Variants in SDCCAG8 observed in about 807,000 individuals in gnomAD.
The protein encoded by SDCCAG8 is serologically defined colon cancer antigen 8.
SDCCAG8 carries 74 observed loss-of-function variants against 101.8 expected under a neutral mutation model. The observed-to-expected ratio is 0.73, with a 90% CI of 0.60 to 0.88. SDCCAG8 has a LOEUF of 0.88. Among genes scored for constraint, SDCCAG8 ranks in the 40% least tolerant of loss-of-function variants. The pLI, the probability that SDCCAG8 is intolerant of heterozygous loss-of-function variation, is 0.00. For missense variants in SDCCAG8, 787 were observed against 822.6 expected, an observed-to-expected ratio of 0.96 and a Z score of 0.53; for synonymous variants, 281 against 292.9, an observed-to-expected ratio of 0.96 and a Z score of 0.41.
intron 13 of SDCCAG8, among the ~76,000 whole-genome samples, chr1:243,391,492 T>C (rs989907603): frequency 1.9e-4 from 29 of 152,186 alleles, no homozygotes; most frequent in Admixed American, 1.4e-3. Context: ...AAGAGTGTGC[T>C]CCACCTTGGC....
intron 16 of SDCCAG8, among the ~76,000 whole-genome samples, chr1:243,428,861 G>A (rs968679991): frequency 6.6e-6 from 1 of 152,192 alleles, no homozygotes; most frequent in Admixed American, 6.5e-5. Context: ...ATTGCGAGGA[G>A]CTCAAGTATT....
At chr1:243,441,544 G>T (rs2082534641) in intron 16 of SDCCAG8, among the ~76,000 whole-genome samples, 1 of 152,114 alleles carries the variant, frequency 6.6e-6, no homozygotes, top group Non-Finnish European at 1.5e-5. Context: ...TAAATGGTGT[G>T]CCTAGGAGTA....
intron 16 of SDCCAG8, 56 bp from the exon 17 acceptor site, chr1:243,488,958 G>T: frequency 6.2e-7 from 1 of 1,612,372 alleles, no homozygotes; most frequent in Non-Finnish European, 8.5e-7. Context: ...CAGCCCCTGG[G>T]CCTGTTGAAA....
At chr1:243,379,421 C>T (rs1245669942) in intron 13 of SDCCAG8, among the ~76,000 whole-genome samples, 1 of 152,106 alleles carries the variant, frequency 6.6e-6, no homozygotes, top group Non-Finnish European at 1.5e-5. Flanking sequence ...ACTTCATTTC[C>T]ATCATGAGAT....
In SDCCAG8 at chr1:243,304,706, T is replaced by G. The variant is rs1212820070; in HGVS notation, c.676-7T>G. 6.7e-7 allele frequency: 1 copy of G among 1,489,522 alleles called. No individual in the cohort carries two copies. Among genetic ancestry groups the G allele is most frequent in the South Asian group, 1.1e-5 (1 of 88,114 alleles). The allele number at this position is 1,489,522 out of a possible 1,614,324, so 92.3% of individuals were successfully genotyped here. A position where few individuals can be genotyped will look rare whatever the true frequency, so the allele number is the denominator to read the frequency against. On this transcript the variant is annotated splice_polypyrimidine_tract_variant and splice_region_variant and intron_variant, in intron 6 of 17. Coordinates refer to ENST00000366541, the MANE Select transcript of SDCCAG8 (RefSeq NM_006642.5). ...GAAAAATGTACTTCTATTTTTCTTT[T>G]CTATAGGAGAAGCTAAAACTTACTT...
At chr1:243,275,861 T>G (rs2068511843) in intron 4 of SDCCAG8, among the ~76,000 whole-genome samples, 1 of 131,148 alleles carries the variant, frequency 7.6e-6, no homozygotes, top group African/African-American at 3.0e-5. Flanking sequence ...CCAATGTTTT[T>G]TTTTTTTTTT....
intron 16 of SDCCAG8, among the ~76,000 whole-genome samples, chr1:243,452,448 T>C (rs2083442595): frequency 7.3e-6 from 1 of 136,732 alleles, no homozygotes; most frequent in Non-Finnish European, 1.6e-5. Flanking sequence ...TTTGGGACAG[T>C]ATCTGGCTCT....
At chr1:243,487,404 C>T (rs1053986712) in intron 16 of SDCCAG8, among the ~76,000 whole-genome samples, 4 of 152,208 alleles carry the variant, frequency 2.6e-5, no homozygotes, top group African/African-American at 9.6e-5. Context: ...GCAGCGATGG[C>T]CTTAGGTATT....
intron 8 of SDCCAG8, among the ~76,000 whole-genome samples, chr1:243,313,827 C>T (rs1473501741): frequency 6.6e-6 from 1 of 152,110 alleles, no homozygotes; most frequent in Non-Finnish European, 1.5e-5. Context: ...GCTAACTGGG[C>T]AGTTACCCTG....
chr1:243,375,878 G>A (rs997754562), intron 12 of SDCCAG8, among the ~76,000 whole-genome samples: 3 of 152,130 alleles, frequency 2.0e-5, no homozygotes, highest in Non-Finnish European at 4.4e-5. Context: ...AGATTTTCCT[G>A]ACTCAGGGAG....
At chr1:243,380,711 C>T (rs1363384546) in intron 13 of SDCCAG8, among the ~76,000 whole-genome samples, 1 of 151,288 alleles carries the variant, frequency 6.6e-6, no homozygotes, top group Non-Finnish European at 1.5e-5. Context: ...TTTATTTAAA[C>T]CAATTCTACT....
At chr1:243,363,738 T>C (rs2076846542) in intron 12 of SDCCAG8, among the ~76,000 whole-genome samples, 1 of 152,214 alleles carries the variant, frequency 6.6e-6, no homozygotes, top group Admixed American at 6.5e-5. Context: ...AGTTTTCTAA[T>C]TATCACAGCA....
intron 10 of SDCCAG8, 47 bp from the exon 11 acceptor site, chr1:243,340,992 A>G: frequency 6.3e-7 from 1 of 1,585,262 alleles, no homozygotes; most frequent in Non-Finnish European, 8.7e-7. Flanking sequence ...TTAGTATTTG[A>G]TTTGTCAAAT....
chr1:243,498,909 T>C (rs1187752139), intron 17 of SDCCAG8, among the ~76,000 whole-genome samples: 1 of 152,226 alleles, frequency 6.6e-6, no homozygotes, highest in Non-Finnish European at 1.5e-5. Context: ...GAAACCGGGA[T>C]TTGGAAAATA....
chr1:243,263,973 T>C (rs2067386876), intron 1 of SDCCAG8, among the ~76,000 whole-genome samples: 1 of 151,992 alleles, frequency 6.6e-6, no homozygotes, highest in Non-Finnish European at 1.5e-5. Context: ...CTTATCTCAC[T>C]GTGGTTTTAT....
At chr1:243,486,471 T>A (rs1187662061) in intron 16 of SDCCAG8, among the ~76,000 whole-genome samples, 2 of 152,120 alleles carry the variant, frequency 1.3e-5, no homozygotes, top group African/African-American at 4.8e-5. Context: ...TCCTTCCTCC[T>A]TCCCACCCCA....
chr1:243,368,270 G>T (rs1447877839), intron 12 of SDCCAG8, among the ~76,000 whole-genome samples: 1 of 151,006 alleles, frequency 6.6e-6, no homozygotes, highest in Non-Finnish European at 1.5e-5. Context: ...TTACTTTTTT[G>T]AGCCTTTCTT....
chr1:243,277,176 A>G (rs2068646700), intron 4 of SDCCAG8, among the ~76,000 whole-genome samples: 1 of 152,212 alleles, frequency 6.6e-6, no homozygotes, highest in Non-Finnish European at 1.5e-5. Flanking sequence ...AAGAAGCTCA[A>G]TTTCTGCATC....
At chr1:243,430,797 A>G (rs1186984846) in intron 16 of SDCCAG8, among the ~76,000 whole-genome samples, 2 of 152,208 alleles carry the variant, frequency 1.3e-5, no homozygotes, top group African/African-American at 4.8e-5. Flanking sequence ...GGAAGAAATC[A>G]AAAGATTTTT....
Sources: allele counts gnomAD v4.1 joint callset (sites outside exome capture counted in the v4.1 genomes callset), GRCh38; gene constraint gnomAD v4.1.1; transcripts MANE v1.5; gene names NCBI Gene and HGNC (gene_info 2026-07-23, HGNC 2026-07-21).